Variants in TRIM9 observed in about 807,000 individuals in gnomAD.
TRIM9 encodes the protein E3 ubiquitin-protein ligase TRIM9.
Under a neutral mutation model 78.3 loss-of-function variants are expected in TRIM9, and 26 were observed. That is an observed-to-expected ratio of 0.33 (90% CI 0.24 to 0.46). The LOEUF (loss-of-function observed/expected upper bound fraction) is 0.46. TRIM9 is among the 20% of genes least tolerant of loss of function. The pLI is 1.00. For synonymous variants in TRIM9, 398 were observed against 416.5 expected (o/e 0.96, Z 0.54); for missense variants, 787 against 1,036.4 (o/e 0.76, Z 3.30).
intron 1 of TRIM9, among the ~76,000 whole-genome samples, chr14:51,067,047 T>G (rs1485908059): frequency 6.6e-6 from 1 of 152,208 alleles, no homozygotes. Flanking sequence ...GACTTCTTCC[T>G]TGAGCTGTAG....
intron 7 of TRIM9, 194 bp downstream of exon 7, chr14:50,997,856 T>G: frequency 7.1e-7 from 1 of 1,403,364 alleles, no homozygotes; most frequent in Non-Finnish European, 9.3e-7. Context: ...CGATGTGGAA[T>G]CTTTGGTTTG....
intron 7 of TRIM9, among the ~76,000 whole-genome samples, chr14:50,994,819 G>A (rs559615461): frequency 1.3e-5 from 2 of 152,244 alleles, no homozygotes; most frequent in Non-Finnish European, 2.9e-5. Context: ...CCAAGTTTTG[G>A]GGCTTGGGGG....
At chr14:51,061,188 G>A (rs1355129013) in intron 1 of TRIM9, among the ~76,000 whole-genome samples, 1 of 152,078 alleles carries the variant, frequency 6.6e-6, no homozygotes, top group Non-Finnish European at 1.5e-5. Context: ...CGCAGCAGGT[G>A]GATCACCTGC....
intron 1 of TRIM9, among the ~76,000 whole-genome samples, chr14:51,068,796 T>C (rs539085590): frequency 5.1e-4 from 77 of 152,346 alleles, no homozygotes; most frequent in African/African-American, 1.8e-3. Flanking sequence ...CACCTGGCAC[T>C]CTAGAGCAAC....
chr14:51,071,210 C>G (rs2062205238), intron 1 of TRIM9, among the ~76,000 whole-genome samples: 1 of 151,648 alleles, frequency 6.6e-6, no homozygotes, highest in South Asian at 2.1e-4. Flanking sequence ...AACCCTATCT[C>G]TACTAAAAAT....
chr14:51,058,786 C>G (rs1312866323), intron 1 of TRIM9, among the ~76,000 whole-genome samples: 1 of 152,218 alleles, frequency 6.6e-6, no homozygotes, highest in Non-Finnish European at 1.5e-5. Flanking sequence ...CACACTAATT[C>G]AAAATGACAA....
intron 1 of TRIM9, among the ~76,000 whole-genome samples, chr14:51,054,261 T>C (rs1438826215): frequency 6.6e-6 from 1 of 151,244 alleles, no homozygotes; most frequent in Non-Finnish European, 1.5e-5. Flanking sequence ...TTATGACTTA[T>C]ACAGAGGAGA....
Position 50,977,289 on chromosome 14 carries a change from C to A in TRIM9, c.*2G>T. The A allele has an allele frequency of 6.5e-7, 1 of 1,531,170 alleles. No homozygotes were observed. Among genetic ancestry groups the A allele is most frequent in the Non-Finnish European group, 8.8e-7 (1 of 1,136,602 alleles). 94.8% of individuals were successfully genotyped at this position (1,531,170 alleles called of 1,614,324 possible). On this transcript the variant is annotated 3_prime_UTR_variant, in exon 13 of 13. Coordinates refer to ENST00000684578, the MANE Select transcript of TRIM9 (RefSeq NM_001387360.1). ...GGCAGCTGGCGCCTCCACGGCACAT[C>A]CTTAGGCTATTGATGCTCTGCTGGA...
At chr14:51,040,948 A>G (rs1212220593) in intron 1 of TRIM9, among the ~76,000 whole-genome samples, 2 of 152,250 alleles carry the variant, frequency 1.3e-5, no homozygotes, top group Non-Finnish European at 2.9e-5. Flanking sequence ...AATAGCTTCT[A>G]TAATAGATTT....
Position 51,001,385 on chromosome 14 carries a change from A to G in TRIM9, c.1307-545T>C, listed in dbSNP as rs572129590. ...GCTGGGACTACAGGCGCCCGCCACC[A>G]CGCCCGGCTAATTTTTTGTATTTTT... On this transcript the variant is annotated intron_variant, in intron 5 of 12. Transcript: ENST00000684578. 4.6e-5 allele frequency among the ~76,000 whole-genome samples: 7 copies of G among 151,822 alleles called. No homozygotes were observed. In the South Asian group the frequency reaches 6.3e-4, roughly 14 times the overall value.
intron 1 of TRIM9, among the ~76,000 whole-genome samples, chr14:51,053,672 G>A (rs1418658760): frequency 1.5e-5 from 2 of 136,220 alleles, no homozygotes; most frequent in Admixed American, 1.6e-4. Flanking sequence ...ATGTATACAT[G>A]TGCCATGTTG....
At chr14:51,077,823 C>T (rs2062943238) in intron 1 of TRIM9, among the ~76,000 whole-genome samples, 1 of 152,222 alleles carries the variant, frequency 6.6e-6, no homozygotes, top group Non-Finnish European at 1.5e-5. Flanking sequence ...TGCTCCATAC[C>T]TTGGTTTCAA....
chr14:51,036,851 A>T (rs2059197355), intron 1 of TRIM9, among the ~76,000 whole-genome samples: 2 of 152,154 alleles, frequency 1.3e-5, no homozygotes, highest in African/African-American at 4.8e-5. Context: ...ATCACAGGGA[A>T]ATTTGGGCTA....
At chr14:51,060,910 TG>T (rs1421750965) in intron 1 of TRIM9, among the ~76,000 whole-genome samples, 1 of 152,242 alleles carries the variant, frequency 6.6e-6, no homozygotes, top group Non-Finnish European at 1.5e-5. Context: ...CCACTAGCAA[TG>T]GTAGAAAATT....
chr14:50,995,909 GA>G (rs1401113202), intron 7 of TRIM9, among the ~76,000 whole-genome samples: 4 of 152,112 alleles, frequency 2.6e-5, no homozygotes, highest in Non-Finnish European at 4.4e-5. Context: ...ACAAAAAAGA[GA>G]TAATTATTTG....
Position 51,063,966 on chromosome 14 carries a change from T to C in TRIM9, c.822+30152A>G, listed in dbSNP as rs576652383. On this transcript the variant is annotated intron_variant, in intron 1 of 12. Transcript: ENST00000684578. ...TGTGTATAATATATAACAGATTGTA[T>C]AGTTTCCCTCCTTAATTTATCTAAA... Among the ~76,000 whole-genome samples the C allele has an allele frequency of 3.3e-5, 5 of 152,236 alleles. 1 individual carries two copies. In the South Asian group the frequency reaches 1.0e-3, roughly 32 times the overall value.
rs1475757927 is a variant in TRIM9, at chr14:51,094,569, G to T, written c.371C>A (p.Ser124Tyr). Residue 124 changes from serine to tyrosine, a missense_variant, in exon 1 of 13, where the codon TCC (serine) becomes TAC (tyrosine). By Grantham distance (144) the Ser-to-Tyr change is moderately radical. This residue lies in a region of TRIM9 where 352 missense variants were observed against 472.3 expected (regional missense o/e 0.75). Coordinates refer to ENST00000684578, the MANE Select transcript of TRIM9 (RefSeq NM_001387360.1). ...GTGACACTGGGGGCAGGTGATACAGGAGTTGCGGGGCACCGGGGCCAGGGC... is the reference window on the plus strand; with the variant it reads ...GTGACACTGGGGGCAGGTGATACAGTAGTTGCGGGGCACCGGGGCCAGGGC... Reference protein sequence around the residue: ...SPALAPVPRNSCITCPQCHRS... With the variant: ...SPALAPVPRNYCITCPQCHRS... 1 of 1,612,332 alleles carries T rather than the reference G, an allele frequency of 6.2e-7. No homozygotes were observed. The highest frequency in any genetic ancestry group is 8.5e-7 in the Non-Finnish European group (1 of 1,179,578).
At chr14:50,979,306 T>G (rs1204856578) in intron 12 of TRIM9, 81 bp downstream of exon 12, 1 of 1,610,430 alleles carries the variant, frequency 6.2e-7, no homozygotes, top group Non-Finnish European at 8.5e-7. Context: ...TTCCCTCTCT[T>G]CGGTTGGATT....
intron 5 of TRIM9, among the ~76,000 whole-genome samples, chr14:51,006,064 T>C (rs2055760437): frequency 6.6e-6 from 1 of 152,202 alleles, no homozygotes; most frequent in African/African-American, 2.4e-5. Context: ...TGATGAGCTT[T>C]TGAAACCAGA....
Sources: gnomAD v4.1 joint callset for allele counts (sites outside exome capture counted in the v4.1 genomes callset) on GRCh38, gnomAD v4.1.1 for gene constraint, gnomAD v4.1.1 regional missense constraint, MANE v1.5 for transcripts, NCBI Gene and HGNC (gene_info 2026-07-23, HGNC 2026-07-21) for gene names.